Variants in IFNAR1 observed in about 807,000 individuals in gnomAD.
IFNAR1 encodes the protein interferon alpha/beta receptor 1.
IFNAR1 carries 47 observed loss-of-function variants against 62.1 expected under a neutral mutation model. That is an observed-to-expected ratio of 0.76 (90% CI 0.60 to 0.97). The LOEUF is 0.97. IFNAR1 is among the 50% of genes least tolerant of loss of function. The pLI, the probability that IFNAR1 is intolerant of heterozygous loss-of-function variation, is 0.00. For synonymous variants in IFNAR1, 219 were observed against 226.9 expected, an observed-to-expected ratio of 0.97 and a Z score of 0.31; for missense variants, 638 against 654.5, an observed-to-expected ratio of 0.97 and a Z score of 0.27.
At position 33,341,059 on chromosome 21, in the gene IFNAR1, C is replaced by T; in HGVS notation, c.261C>T (p.Cys87=). The T allele has an allele frequency of 6.2e-7, 1 of 1,612,400 alleles. No individual in the cohort carries two copies. Among genetic ancestry groups the T allele is most frequent in the Non-Finnish European group, 8.5e-7 (1 of 1,178,634 alleles). Residue 87 remains cysteine, a synonymous_variant, in exon 3 of 11, where the codon TGC becomes TGT. Transcript: ENST00000270139. ...SGCQNITSTK[C]NFSSLKLNVY... Reference sequence around the variant, plus strand: ...GTCAGAATATTACTAGTACCAAATGCAACTTTTCTTCACTCAAGCTGAATG... The same window carrying T: ...GTCAGAATATTACTAGTACCAAATGTAACTTTTCTTCACTCAAGCTGAATG...
chr21:33,330,624 A>G (rs143968785), intron 1 of IFNAR1, among the ~76,000 whole-genome samples: 2 of 152,236 alleles, frequency 1.3e-5, no homozygotes, highest in East Asian at 3.9e-4. Flanking sequence ...ATCCCCTCAT[A>G]AGACAGCCAG....
At chr21:33,342,238 A>C (rs980578479) in intron 3 of IFNAR1, among the ~76,000 whole-genome samples, 5 of 151,876 alleles carry the variant, frequency 3.3e-5, no homozygotes, top group Non-Finnish European at 7.4e-5. Context: ...GTGAGACCCC[A>C]TCTCTACAAA....
At position 33,343,415 on chromosome 21, in the gene IFNAR1, G is replaced by T. The variant is rs866269494; in HGVS notation, c.524G>T (p.Gly175Val). The change falls in exon 4 of 11, where the codon GGT becomes GTT. Residue 175 changes from glycine (G) to valine (V), a missense_variant. Coordinates refer to ENST00000270139, the MANE Select transcript of IFNAR1 (RefSeq NM_000629.3). ...YSLVIWKNSS[G>V]VEERIENIYS... Reference sequence around the variant, plus strand: ...TTAGTTATCTGGAAAAACTCTTCAGGTGTAGAAGTAAGCATTATTTTTACC... The same window carrying T: ...TTAGTTATCTGGAAAAACTCTTCAGTTGTAGAAGTAAGCATTATTTTTACC... 1 of 1,611,054 alleles carries T rather than the reference G, an allele frequency of 6.2e-7. No homozygotes were observed. The highest frequency in any genetic ancestry group is 1.6e-4 in the Middle Eastern group (1 of 6,062).
chr21:33,355,336 G>A lies in IFNAR1; in HGVS notation c.1461G>A (p.Leu487=), dbSNP rs749427616. 1 of 1,566,274 alleles carries A rather than the reference G, an allele frequency of 6.4e-7. No individual in the cohort carries two copies. The highest frequency in any genetic ancestry group is 1.2e-5 in the South Asian group (1 of 85,030). The part of the protein sequence containing the change: ...SIDEYFSEQP[L]KNLLLSTSEE... ...ATTAGTATTTCTCTGAACAGCCATT[G>A]AAGAATCTTCTGCTTTCAACTTCTG... Residue 487 remains leucine (L), a synonymous_variant, in exon 11 of 11, where the codon TTG becomes TTA. Coordinates refer to ENST00000270139, the MANE Select transcript of IFNAR1 (RefSeq NM_000629.3).
Position 33,343,293 on chromosome 21 carries a change from T to G in IFNAR1, c.402T>G (p.His134Gln). Residue 134 changes from histidine (H) to glutamine (Q), a missense_variant, in exon 4 of 11, where the codon CAT becomes CAG. By Grantham distance (24) the His-to-Gln change is conservative (BLOSUM62 0). Coordinates refer to ENST00000270139, the MANE Select transcript of IFNAR1 (RefSeq NM_000629.3). ...CTCAGATTGGTCCTCCAGAAGTACATTTAGAAGCTGAAGATAAGGCAATAG... is the reference window on the plus strand; with the variant it reads ...CTCAGATTGGTCCTCCAGAAGTACAGTTAGAAGCTGAAGATAAGGCAATAG... ...RKAQIGPPEV[H>Q]LEAEDKAIVI... The G allele has an allele frequency of 6.2e-7, 1 of 1,613,376 alleles. No individual in the cohort carries two copies.
chr21:33,355,526 G>T lies in IFNAR1; in HGVS notation c.1651G>T (p.Glu551Ter), dbSNP rs772715367. The T allele has an allele frequency of 3.1e-6, 5 of 1,592,942 alleles. No individual in the cohort carries two copies. Among genetic ancestry groups the T allele is most frequent in the Non-Finnish European group, 4.3e-6 (5 of 1,169,590 alleles). ...EDESESKTSE[E>*]LQQDFV ...TGAAAGCGAAAGTAAAACAAGTGAAGAACTACAGCAGGACTTTGTATGACC... is the reference window on the plus strand; with the variant it reads ...TGAAAGCGAAAGTAAAACAAGTGAATAACTACAGCAGGACTTTGTATGACC... Residue 551 changes from glutamate to a stop codon, truncating the protein, a stop_gained, in exon 11 of 11, where the codon GAA becomes TAA. Coordinates refer to ENST00000270139, the MANE Select transcript of IFNAR1 (RefSeq NM_000629.3). LOFTEE classifies it high-confidence loss of function.
intron 5 of IFNAR1, among the ~76,000 whole-genome samples, chr21:33,344,121 A>C (rs1415367332): frequency 6.6e-6 from 1 of 152,194 alleles, no homozygotes; most frequent in Non-Finnish European, 1.5e-5. Context: ...ACTGCACTCC[A>C]GTCGGGAGCA....
rs753779784 is a variant in IFNAR1 at position 33,357,530 on chromosome 21, G to GTTTTTGT, written c.*1986_*1987insGTTTTTT. On this transcript the variant is annotated 3_prime_UTR_variant, in exon 11 of 11. Coordinates refer to ENST00000270139, the MANE Select transcript of IFNAR1 (RefSeq NM_000629.3). ...ATTTTCATCTTTCTGACCAGAGGCT[G>GTTTTTGT]TTTTTTTTTTTTTTTGAGACAGTCT... 7.2e-6 allele frequency: 1 copy of GTTTTTGT among 139,672 alleles called. No homozygotes were observed. The highest frequency in any genetic ancestry group is 2.7e-5 in the African/African-American group (1 of 37,240). 8.7% of individuals were successfully genotyped at this position (139,672 alleles called of 1,614,324 possible).
chr21:33,353,709 G>C lies in IFNAR1; in HGVS notation c.1366G>C (p.Ala456Pro). 1 of 1,589,734 alleles carries C rather than the reference G, an allele frequency of 6.3e-7. No individual in the cohort carries two copies. The change falls in exon 10 of 11, where the codon GCT becomes CCT. Residue 456 changes from alanine to proline, a missense_variant. Coordinates refer to ENST00000270139, the MANE Select transcript of IFNAR1 (RefSeq NM_000629.3). ...ALFALPFVIY[A>P]AKVFLRCINY... Reference sequence around the variant, plus strand: ...ATTTGCTCTCCCGTTTGTCATTTATGCTGCGAAAGTCTTCTTGAGATGCAT... The same window carrying C: ...ATTTGCTCTCCCGTTTGTCATTTATCCTGCGAAAGTCTTCTTGAGATGCAT...
chr21:33,342,485 T>C (rs2083300000), intron 3 of IFNAR1, among the ~76,000 whole-genome samples: 1 of 151,992 alleles, frequency 6.6e-6, no homozygotes, highest in South Asian at 2.1e-4. Flanking sequence ...TGTACTCCCT[T>C]TCTATACTAA....
At chr21:33,331,118 T>C (rs1182468837) in intron 1 of IFNAR1, among the ~76,000 whole-genome samples, 3 of 152,186 alleles carry the variant, frequency 2.0e-5, no homozygotes, top group Non-Finnish European at 2.9e-5. Context: ...AGCTAAACTT[T>C]AAGCAGCTGT....
At chr21:33,331,888 C>T (rs2083184795) in intron 1 of IFNAR1, among the ~76,000 whole-genome samples, 1 of 152,198 alleles carries the variant, frequency 6.6e-6, no homozygotes, top group Admixed American at 6.5e-5. Flanking sequence ...AGAATCAAAG[C>T]TACAACCCAT....
rs56226617 is a variant in IFNAR1 at position 33,349,376 on chromosome 21, A to C, written c.989-13A>C. 8.3e-5 allele frequency: 131 copies of C among 1,579,156 alleles called. No homozygotes were observed. The highest frequency in any genetic ancestry group is 1.1e-4 in the Non-Finnish European group (129 of 1,165,738). On this transcript the variant is annotated splice_polypyrimidine_tract_variant and intron_variant, in intron 7 of 10. Transcript: ENST00000270139. Reference sequence around the variant, plus strand: ...TTCTAATTGAACATTATTTCTTTACAAATTTTTTCTAGCTTTCCTACTTCC... The same window carrying C: ...TTCTAATTGAACATTATTTCTTTACCAATTTTTTCTAGCTTTCCTACTTCC...
At chr21:33,340,313 G>A (rs1052756168) in intron 2 of IFNAR1, among the ~76,000 whole-genome samples, 3 of 152,042 alleles carry the variant, frequency 2.0e-5, no homozygotes, top group African/African-American at 7.2e-5. Context: ...ATAGGAGGAG[G>A]TCAGAAGGGA....
intron 6 of IFNAR1, among the ~76,000 whole-genome samples, chr21:33,348,380 C>G (rs937898890): frequency 4.6e-5 from 7 of 152,234 alleles, no homozygotes; most frequent in Non-Finnish European, 8.8e-5. Flanking sequence ...TAGCACACCA[C>G]TATCATATAG....
chr21:33,353,923 G>A, intron 10 of IFNAR1, 140 bp downstream of exon 10: 1 of 583,358 alleles, frequency 1.7e-6, no homozygotes, highest in African/African-American at 2.0e-5. Context: ...CAAAGCTTTA[G>A]TCAATTAACT....
chr21:33,338,842 A>C (rs2083268576), intron 2 of IFNAR1, among the ~76,000 whole-genome samples: 3 of 151,530 alleles, frequency 2.0e-5, no homozygotes, highest in Non-Finnish European at 4.4e-5. Context: ...TCCCGGGTTC[A>C]AGCAATTCTC....
rs2083436900 is a variant in IFNAR1, at chr21:33,355,366, A to G, written c.1491A>G (p.Glu497=). Residue 497 remains glutamate (E), a synonymous_variant, in exon 11 of 11, where the codon GAA becomes GAG. Transcript: ENST00000270139. ...LKNLLLSTSE[E]QIEKCFIIEN... ...ATCTTCTGCTTTCAACTTCTGAGGA[A>G]CAAATCGAAAAATGTTTCATAATTG... 6.2e-7 allele frequency: 1 copy of G among 1,603,350 alleles called. No homozygotes were observed. The highest frequency in any genetic ancestry group is 8.5e-7 in the Non-Finnish European group (1 of 1,174,956).
At chr21:33,327,694 A>G (rs529298835) in intron 1 of IFNAR1, among the ~76,000 whole-genome samples, 24 of 152,290 alleles carry the variant, frequency 1.6e-4, no homozygotes, top group African/African-American at 4.8e-4. Flanking sequence ...ATCAACTTAG[A>G]AAGTTTATTT....
Sources: gnomAD v4.1 joint callset for allele counts (sites outside exome capture counted in the v4.1 genomes callset) on GRCh38, gnomAD v4.1.1 for gene constraint, MANE v1.5 for transcripts, NCBI Gene and HGNC (gene_info 2026-07-23, HGNC 2026-07-21) for gene names.